RNGTT: variants seen among roughly 807,000 people sequenced by gnomAD.
RNGTT encodes the protein RNA guanylyltransferase and 5'-phosphatase.
In RNGTT, 33 loss-of-function variants were observed where a neutral mutation model predicts 79.3. The observed-to-expected ratio is 0.42, with a 90% CI of 0.32 to 0.56. The LOEUF is 0.56. RNGTT is among the 20% of genes least tolerant of loss of function. RNGTT has a pLI of 0.17. For missense variants in RNGTT, 497 were observed against 739.1 expected (o/e 0.67, Z 3.80); for synonymous variants, 222 against 235.9 (o/e 0.94, Z 0.54).
chr6:88,877,995 A>T (rs1782570922), intron 8 of RNGTT, among the ~76,000 whole-genome samples: 1 of 152,212 alleles, frequency 6.6e-6, no homozygotes, highest in Admixed American at 6.5e-5. Context: ...GACACTAAAC[A>T]TTAACTGAGT....
At chr6:88,822,558 A>T (rs1780529281) in intron 11 of RNGTT, among the ~76,000 whole-genome samples, 1 of 152,224 alleles carries the variant, frequency 6.6e-6, no homozygotes, top group Non-Finnish European at 1.5e-5. Flanking sequence ...TGTCATAGAA[A>T]AATAGGTATA....
intron 6 of RNGTT, among the ~76,000 whole-genome samples, chr6:88,902,657 T>C (rs1197560865): frequency 2.0e-5 from 3 of 148,508 alleles, no homozygotes; most frequent in Non-Finnish European, 4.5e-5. Flanking sequence ...AGTACTAATA[T>C]ATACCAGCCT....
At chr6:88,949,158 T>TA (rs1491197999) in intron 1 of RNGTT, among the ~76,000 whole-genome samples, 3 of 18,008 alleles carry the variant, frequency 1.7e-4, no homozygotes, top group African/African-American at 7.9e-4. Flanking sequence ...TAAAATAAAA[T>TA]GAAAAAAAAA....
chr6:88,912,268 C>G (rs1017786418), intron 4 of RNGTT, among the ~76,000 whole-genome samples: 5 of 151,628 alleles, frequency 3.3e-5, no homozygotes, highest in African/African-American at 1.2e-4. Flanking sequence ...GAAAATCAGC[C>G]AAGCATGGTG....
chr6:88,703,170 T>C (rs757687844), intron 13 of RNGTT, among the ~76,000 whole-genome samples: 4 of 152,172 alleles, frequency 2.6e-5, no homozygotes, highest in Non-Finnish European at 4.4e-5. Context: ...AAAACAGAAC[T>C]ACCATTTGAT....
At chr6:88,892,388 G>A (rs1192689626) in intron 6 of RNGTT, among the ~76,000 whole-genome samples, 2 of 152,092 alleles carry the variant, frequency 1.3e-5, no homozygotes, top group Non-Finnish European at 2.9e-5. Flanking sequence ...AAGGAGCTGT[G>A]TTACTATGAA....
chr6:88,893,957 A>C (rs1240839592), intron 6 of RNGTT, among the ~76,000 whole-genome samples: 1 of 152,164 alleles, frequency 6.6e-6, no homozygotes, highest in Non-Finnish European at 1.5e-5. Flanking sequence ...AAGAAAGACC[A>C]CTAATTTTTT....
At chr6:88,865,637 G>T (rs1782142880) in intron 8 of RNGTT, among the ~76,000 whole-genome samples, 1 of 152,054 alleles carries the variant, frequency 6.6e-6, no homozygotes, top group East Asian at 1.9e-4. Flanking sequence ...TGTAAAATCA[G>T]ACGCTGCACT....
At chr6:88,683,800 A>G (rs1460606578) in intron 13 of RNGTT, among the ~76,000 whole-genome samples, 1 of 152,154 alleles carries the variant, frequency 6.6e-6, no homozygotes, top group Non-Finnish European at 1.5e-5. Flanking sequence ...GGATCACTTG[A>G]GGCCAAGAGT....
intron 1 of RNGTT, among the ~76,000 whole-genome samples, chr6:88,959,259 C>T (rs1785536062): frequency 6.6e-6 from 1 of 152,106 alleles, no homozygotes; most frequent in African/African-American, 2.4e-5. Context: ...AGTGTACACT[C>T]CTTGAGTGAC....
intron 11 of RNGTT, among the ~76,000 whole-genome samples, chr6:88,811,582 A>G (rs1246442468): frequency 6.6e-6 from 1 of 152,234 alleles, no homozygotes; most frequent in African/African-American, 2.4e-5. Flanking sequence ...TAGAAACTGC[A>G]AAGTTACAAA....
At position 88,644,110 on chromosome 6, in the gene RNGTT, C is replaced by T. The variant is rs1773433771; in HGVS notation, c.1507-29715G>A. Among the ~76,000 whole-genome samples, 4 of 151,918 alleles carry T rather than the reference C, an allele frequency of 2.6e-5. No individual in the cohort carries two copies. The South Asian group carries it at 8.3e-4, about 32-fold the overall frequency. ...CAAAATTGACAGACCACTAGGAAGA[C>T]TAATAAAGAAGAAAAGAGAGAAGAA... On this transcript the variant is annotated intron_variant, in intron 14 of 15. Transcript: ENST00000369485.
chr6:88,708,005 C>T (rs1220999742), intron 13 of RNGTT, among the ~76,000 whole-genome samples: 1 of 151,878 alleles, frequency 6.6e-6, no homozygotes, highest in African/African-American at 2.4e-5. Flanking sequence ...CACTCAGTTT[C>T]GAGGAGTGGA....
chr6:88,936,132 T>C (rs1360564409), intron 2 of RNGTT, among the ~76,000 whole-genome samples: 2 of 152,146 alleles, frequency 1.3e-5, no homozygotes, highest in African/African-American at 4.8e-5. Flanking sequence ...GGGTCTCACT[T>C]TGGGGTCCAG....
intron 13 of RNGTT, among the ~76,000 whole-genome samples, chr6:88,679,033 C>T (rs955474522): frequency 2.6e-5 from 4 of 152,084 alleles, no homozygotes; most frequent in Non-Finnish European, 1.5e-5. Context: ...GCAAGACTAA[C>T]CCCTCTTCCT....
At chr6:88,664,957 T>C (rs1178474589) in intron 14 of RNGTT, among the ~76,000 whole-genome samples, 1 of 152,162 alleles carries the variant, frequency 6.6e-6, no homozygotes, top group Non-Finnish European at 1.5e-5. Flanking sequence ...CAAAGCAGGC[T>C]TTCTGTTTGC....
intron 11 of RNGTT, among the ~76,000 whole-genome samples, chr6:88,804,729 A>G (rs759822468): frequency 4.6e-4 from 70 of 152,080 alleles, no homozygotes; most frequent in Admixed American, 1.1e-3. Flanking sequence ...AAAAAAAAAA[A>G]GTATCCAAAC....
intron 13 of RNGTT, among the ~76,000 whole-genome samples, chr6:88,693,887 G>A (rs1384373359): frequency 6.6e-6 from 1 of 152,088 alleles, no homozygotes; most frequent in Admixed American, 6.6e-5. Context: ...AAAAGAATCT[G>A]ACAAAATTCA....
At chr6:88,671,676 G>T (rs1034362566) in intron 14 of RNGTT, among the ~76,000 whole-genome samples, 4 of 152,142 alleles carry the variant, frequency 2.6e-5, no homozygotes, top group African/African-American at 9.7e-5. Flanking sequence ...AACAAATCTG[G>T]AGGCATCACA....
Sources: gnomAD v4.1 joint callset for allele counts (sites outside exome capture counted in the v4.1 genomes callset) on GRCh38, gnomAD v4.1.1 for gene constraint, MANE v1.5 for transcripts, NCBI Gene and HGNC (gene_info 2026-07-23, HGNC 2026-07-21) for gene names.